Variants in GRIN2B observed in about 807,000 individuals in gnomAD.
GRIN2B encodes glutamate receptor ionotropic, NMDA 2B.
Under a neutral mutation model 114.5 loss-of-function variants are expected in GRIN2B, and 5 were observed. The observed-to-expected ratio is 0.04, with a 90% CI of 0.02 to 0.09. GRIN2B has a LOEUF of 0.09. GRIN2B is among the 10% of genes least tolerant of loss of function. The pLI is 1.00. For missense variants in GRIN2B, 1,108 were observed against 1,943.5 expected, an observed-to-expected ratio of 0.57 and a Z score of 8.08; for synonymous variants, 787 against 745.1, an observed-to-expected ratio of 1.06 and a Z score of -0.92.
intron 4 of GRIN2B, among the ~76,000 whole-genome samples, chr12:13,720,901 C>T (rs1435163895): frequency 1.3e-5 from 2 of 152,068 alleles, no homozygotes; most frequent in Non-Finnish European, 1.5e-5. Context: ...AAATTCGACA[C>T]AGATCTTGGA....
chr12:13,660,542 C>G (rs1949911649), intron 5 of GRIN2B, among the ~76,000 whole-genome samples: 1 of 152,152 alleles, frequency 6.6e-6, no homozygotes, highest in Non-Finnish European at 1.5e-5. Flanking sequence ...CTTTGAGAAT[C>G]TGCTTTCACA....
At chr12:13,702,174 C>T (rs1213153328) in intron 4 of GRIN2B, among the ~76,000 whole-genome samples, 1 of 152,162 alleles carries the variant, frequency 6.6e-6, no homozygotes, top group Non-Finnish European at 1.5e-5. Flanking sequence ...AGGACCTTAG[C>T]TTGATTCCTT....
chr12:13,793,193 G>C (rs944448887), intron 3 of GRIN2B, among the ~76,000 whole-genome samples: 2 of 152,152 alleles, frequency 1.3e-5, no homozygotes, highest in Non-Finnish European at 2.9e-5. Flanking sequence ...GATGGCATGA[G>C]GCCAGGAGCT....
chr12:13,710,794 A>G (rs1410469853), intron 4 of GRIN2B, among the ~76,000 whole-genome samples: 4 of 152,194 alleles, frequency 2.6e-5, no homozygotes, highest in Admixed American at 6.5e-5. Flanking sequence ...GAAAATGGCC[A>G]TATTGCCCAA....
Position 13,615,643 on chromosome 12 carries a change from C to T in GRIN2B, c.1350G>A (p.Pro450=), listed in dbSNP as rs200607718. The T allele has an allele frequency of 3.8e-5, 62 of 1,613,310 alleles. 1 individual carries two copies. In the Middle Eastern group the frequency reaches 1.6e-3, roughly 43 times the overall value. ...CCTTGCAGCATTTTTTGATGTAACC[C>T]GGCTCCTCGTCTGTTTTATTCCTAG... is the stretch of plus-strand genomic sequence containing the variant. The part of the protein sequence containing the change: ...IVTENKTDEE[P]GYIKKCCKGF... The change falls in exon 7 of 14, where the codon CCG becomes CCA. Residue 450 remains proline (P), a synonymous_variant. Transcript: ENST00000609686. The surrounding 1 kb of genome is among the most constrained non-coding windows in gnomAD (Gnocchi z 5.8).
intron 4 of GRIN2B, among the ~76,000 whole-genome samples, chr12:13,747,254 CT>C (rs1272679659): frequency 6.6e-6 from 1 of 152,078 alleles, no homozygotes; most frequent in Non-Finnish European, 1.5e-5. Flanking sequence ...TTGAAAATGC[CT>C]TTCACAAGTT....
At chr12:13,692,701 G>A (rs1950224366) in intron 4 of GRIN2B, among the ~76,000 whole-genome samples, 1 of 149,864 alleles carries the variant, frequency 6.7e-6, no homozygotes, top group Admixed American at 6.7e-5. Context: ...GGTTACCCGA[G>A]ACCCTGAACT....
intron 5 of GRIN2B, among the ~76,000 whole-genome samples, chr12:13,648,280 G>A (rs1233123290): frequency 4.6e-5 from 7 of 152,066 alleles, no homozygotes. Flanking sequence ...AGGGCTGAGT[G>A]CTGTGAGGGA....
At position 13,564,146 on chromosome 12, in the gene GRIN2B, T is replaced by A. The variant is rs1311868719; in HGVS notation, c.3092A>T (p.Lys1031Met). The change falls in exon 14 of 14, where the codon AAG becomes ATG. Residue 1031 changes from lysine (K) to methionine (M), a missense_variant. Lys to Met is a moderately conservative substitution (Grantham distance 95, BLOSUM62 -1). Around this residue, in one of 19 missense-constraint regions of GRIN2B, gnomAD observed 140 missense variants for 187.5 expected, o/e 0.75. Coordinates refer to ENST00000609686, the MANE Select transcript of GRIN2B (RefSeq NM_000834.5). The surrounding 1 kb of genome is among the most constrained non-coding windows in gnomAD (Gnocchi z 4.8). ...GTACAGGTCACTGAGCTGGCTGTGC[T>A]TGGAGGAGGGGAGGCCGATGTCCAG... is the stretch of plus-strand genomic sequence containing the variant. ...KPLDIGLPSSKHSQLSDLYGK... is the reference protein window; with the variant it reads ...KPLDIGLPSSMHSQLSDLYGK... 6.2e-7 allele frequency: 1 copy of A among 1,614,104 alleles called. No homozygotes were observed. Among genetic ancestry groups the A allele is most frequent in the African/African-American group, 1.3e-5 (1 of 75,032 alleles).
At chr12:13,977,682 C>T (rs760932055) in intron 2 of GRIN2B, among the ~76,000 whole-genome samples, 55 of 152,074 alleles carry the variant, frequency 3.6e-4, no homozygotes, top group Middle Eastern at 3.4e-3. Context: ...AAAAAGGGGG[C>T]GAGAACAAAG....
intron 5 of GRIN2B, among the ~76,000 whole-genome samples, chr12:13,653,814 T>C (rs1169716870): frequency 6.6e-6 from 1 of 152,108 alleles, no homozygotes; most frequent in Non-Finnish European, 1.5e-5. Context: ...CTATTTCACA[T>C]AAGTATATCT....
intron 2 of GRIN2B, among the ~76,000 whole-genome samples, chr12:13,873,449 G>C (rs1865943698): frequency 6.6e-6 from 1 of 152,170 alleles, no homozygotes; most frequent in Non-Finnish European, 1.5e-5. Context: ...CTTAGTGTCT[G>C]CTAAACTACT....
At chr12:13,960,072 G>A (rs915732414) in intron 2 of GRIN2B, among the ~76,000 whole-genome samples, 1 of 151,936 alleles carries the variant, frequency 6.6e-6, no homozygotes, top group African/African-American at 2.4e-5. Context: ...ATTTTCAAGG[G>A]CTGTCTCATG....
intron 5 of GRIN2B, among the ~76,000 whole-genome samples, chr12:13,626,607 C>T (rs1949569538): frequency 6.6e-6 from 1 of 152,114 alleles, no homozygotes; most frequent in Non-Finnish European, 1.5e-5. Flanking sequence ...CATTCATTCA[C>T]CCTACTTTAT....
intron 4 of GRIN2B, among the ~76,000 whole-genome samples, chr12:13,719,182 G>A (rs1015208789): frequency 3.3e-5 from 5 of 151,928 alleles, no homozygotes; most frequent in Admixed American, 6.6e-5. Context: ...TGCCACTCCC[G>A]CAAGCTCACC....
intron 5 of GRIN2B, among the ~76,000 whole-genome samples, chr12:13,625,018 A>G (rs1484749384): frequency 1.3e-5 from 2 of 152,194 alleles, no homozygotes; most frequent in African/African-American, 4.8e-5. Flanking sequence ...CATTTCAGAT[A>G]ACACCACGGG....
intron 3 of GRIN2B, among the ~76,000 whole-genome samples, chr12:13,768,772 C>T (rs373143853): frequency 7.2e-5 from 11 of 152,306 alleles, no homozygotes; most frequent in African/African-American, 2.2e-4. Flanking sequence ...CGGTGGCTCA[C>T]GCCTGTAATC....
Position 13,945,185 on chromosome 12 carries a change from G to C in GRIN2B, c.-19+34743C>G, listed in dbSNP as rs568549932. ...GCAGGCCAAAAACGAAAAACACAAA[G>C]CAAACACACAGGCCCACAAAGCAAA... is the stretch of plus-strand genomic sequence containing the variant. On this transcript the variant is annotated intron_variant, in intron 2 of 13. Coordinates refer to ENST00000609686, the MANE Select transcript of GRIN2B (RefSeq NM_000834.5). 3.3e-5 allele frequency among the ~76,000 whole-genome samples: 5 copies of C among 152,240 alleles called. No homozygotes were observed. The East Asian group carries it at 9.7e-4, about 29-fold the overall frequency.
chr12:13,865,898 T>G lies in GRIN2B; in HGVS notation c.311A>C (p.Asp104Ala). 6.2e-7 allele frequency: 1 copy of G among 1,613,930 alleles called. No individual in the cohort carries two copies. Among genetic ancestry groups the G allele is most frequent in the Non-Finnish European group, 8.5e-7 (1 of 1,179,918 alleles). The change falls in exon 3 of 14, where the codon GAC becomes GCC. Residue 104 changes from aspartate to alanine, a missense_variant. By Grantham distance (126) the Asp-to-Ala change is moderately radical. Transcript: ENST00000609686. Reference sequence around the variant, plus strand: ...GAGGATCTGGGCGATGGCTTCCTGGTCTGTGTCATCAGCAAACACCACCCC... The same window carrying G: ...GAGGATCTGGGCGATGGCTTCCTGGGCTGTGTCATCAGCAAACACCACCCC... Reference protein sequence around the residue: ...IQGVVFADDTDQEAIAQILDF... With the variant: ...IQGVVFADDTAQEAIAQILDF...
Sources: allele counts gnomAD v4.1 joint callset (sites outside exome capture counted in the v4.1 genomes callset), GRCh38; gene constraint gnomAD v4.1.1; regional missense constraint gnomAD v4.1.1; non-coding constraint Gnocchi (gnomAD v3.1); transcripts MANE v1.5; gene names NCBI Gene and HGNC (gene_info 2026-07-23, HGNC 2026-07-21).